The following DGKB variants were observed in gnomAD, a reference collection of about 807,000 sequenced individuals.
DGKB encodes the protein diacylglycerol kinase beta, also known as 90 kDa diacylglycerol kinase.
A neutral mutation model predicts 114.3 loss-of-function variants in DGKB; 67 were observed. The observed-to-expected ratio is 0.59, with a 90% confidence interval of 0.48 to 0.72. DGKB has a LOEUF of 0.72. Ranked by LOEUF, DGKB falls within the 30% of genes least tolerant of loss-of-function variation. The pLI is 0.00. For synonymous variants in DGKB, 398 were observed against 323.1 expected (o/e 1.23, Z -2.49); for missense variants, 907 against 975.2 (o/e 0.93, Z 0.93).
intron 23 of DGKB, among the ~76,000 whole-genome samples, chr7:14,305,465 GGAGGAGAATAA>G (rs1232474008): frequency 6.6e-6 from 1 of 152,094 alleles, no homozygotes; most frequent in African/African-American, 2.4e-5. Context: ...AGGTTGACAT[GGAGGAGAATAA>G]GACAGTCATA....
chr7:14,896,967 T>C (rs1400997083), intron 1 of DGKB, among the ~76,000 whole-genome samples: 1 of 151,802 alleles, frequency 6.6e-6, no homozygotes, highest in East Asian at 1.9e-4. Flanking sequence ...AGAAAGTGTA[T>C]TATAAAGCAT....
intron 1 of DGKB, among the ~76,000 whole-genome samples, chr7:14,878,414 G>A (rs1853642479): frequency 6.6e-6 from 1 of 152,144 alleles, no homozygotes. Context: ...TAGGTGAAGA[G>A]TCACTTATAA....
intron 13 of DGKB, among the ~76,000 whole-genome samples, chr7:14,651,420 C>T (rs1464739182): frequency 6.8e-6 from 1 of 147,052 alleles, no homozygotes; most frequent in African/African-American, 2.5e-5. Context: ...TCAATAGATG[C>T]AGAAAAGGCC....
chr7:14,182,821 A>G (rs549238623), intron 23 of DGKB, among the ~76,000 whole-genome samples: 3 of 152,214 alleles, frequency 2.0e-5, no homozygotes, highest in Admixed American at 6.5e-5. Context: ...TCAGACTGCC[A>G]TATGTGAAGA....
At chr7:14,594,973 C>G (rs566814488) in intron 17 of DGKB, among the ~76,000 whole-genome samples, 3 of 152,000 alleles carry the variant, frequency 2.0e-5, no homozygotes, top group Admixed American at 6.6e-5. Context: ...AGAATTCTTG[C>G]CTTTGAGTAT....
chr7:14,436,935 T>C (rs17168177), intron 21 of DGKB, among the ~76,000 whole-genome samples: 14,894 of 152,156 alleles, frequency 0.098, 956 homozygotes, highest in East Asian at 0.28. Flanking sequence ...ATATTATAGT[T>C]AAAATGCTTT....
chr7:14,718,504 C>T (rs912059440), intron 6 of DGKB, 38 bp downstream of exon 6: 2 of 1,574,038 alleles, frequency 1.3e-6, no homozygotes, highest in African/African-American at 2.7e-5. Context: ...TCTCCTGCCC[C>T]CAATCACGAT....
intron 1 of DGKB, among the ~76,000 whole-genome samples, chr7:14,852,497 A>AAAAAAAACAAAAAAAAAC (rs57418853): frequency 1.1e-4 from 15 of 138,488 alleles, no homozygotes; most frequent in African/African-American, 4.0e-4. Context: ...CAAAAAAAAA[A>AAAAAAAACAAAAAAAAAC]CAGAAATCAA....
At chr7:14,828,494 G>T (rs905851958) in intron 2 of DGKB, among the ~76,000 whole-genome samples, 3 of 152,068 alleles carry the variant, frequency 2.0e-5, no homozygotes, top group African/African-American at 4.8e-5. Context: ...ACGGGAAGGG[G>T]CGTAACAACA....
intron 23 of DGKB, among the ~76,000 whole-genome samples, chr7:14,238,850 G>A (rs1701645200): frequency 6.7e-6 from 1 of 149,810 alleles, no homozygotes; most frequent in Non-Finnish European, 1.5e-5. Flanking sequence ...AACTAAGGAT[G>A]TTAGCATGCT....
chr7:14,771,794 T>G lies in DGKB; in HGVS notation c.71-14063A>C, dbSNP rs1316652211. Among the ~76,000 whole-genome samples, 3 of 152,252 alleles carry G rather than the reference T, an allele frequency of 2.0e-5. No homozygotes were observed. The East Asian group carries it at 5.8e-4, about 29-fold the overall frequency. On this transcript the variant is annotated intron_variant, in intron 2 of 25. Coordinates refer to ENST00000402815, the MANE Select transcript of DGKB (RefSeq NM_001350709.2). ...TCAATAGAGAATCCCCTTCCCCCTT[T>G]GTTTTCCTTCCTTTCTTTCCAGATC...
Position 14,269,297 on chromosome 7 carries a change from T to C in DGKB, c.2122+69218A>G, listed in dbSNP as rs544693798. 430 of 152,302 alleles carry C rather than the reference T, an allele frequency of 2.8e-3. 3 individuals carry two copies. The highest frequency in any genetic ancestry group is 9.9e-3 in the African/African-American group (410 of 41,556). The allele number at this position is 152,302 out of a possible 1,614,324, so 9.4% of individuals were successfully genotyped here. ...TGTGCTTTATTCTGTTCATTAGCAG[T>C]GAGCCACTGCGTCCACCCCACACTC... On this transcript the variant is annotated intron_variant, in intron 23 of 25. Transcript: ENST00000402815.
At chr7:14,528,922 A>C (rs1277956283) in intron 20 of DGKB, among the ~76,000 whole-genome samples, 1 of 151,982 alleles carries the variant, frequency 6.6e-6, no homozygotes, top group African/African-American at 2.4e-5. Flanking sequence ...GGACAGATAA[A>C]AGGAAGGTCA....
chr7:14,621,075 A>C (rs1413093260), intron 15 of DGKB: 5 of 219,340 alleles, frequency 2.3e-5, no homozygotes, highest in Non-Finnish European at 2.6e-5. Flanking sequence ...CTGTAAATAA[A>C]TAACACATAT....
chr7:14,510,012 A>C (rs11768166), intron 20 of DGKB, among the ~76,000 whole-genome samples: 52,879 of 151,904 alleles, frequency 0.35, 9,775 homozygotes, highest in Admixed American at 0.46. Flanking sequence ...CGTCTCTACT[A>C]AAAAATAGAA....
chr7:14,425,270 C>T (rs1827329002), intron 21 of DGKB, among the ~76,000 whole-genome samples: 1 of 151,922 alleles, frequency 6.6e-6, no homozygotes, highest in Non-Finnish European at 1.5e-5. Context: ...TATATGTATC[C>T]ATAATATAAA....
rs151010843 is a variant in DGKB at position 14,722,640 on chromosome 7, C to G, written c.323-3955G>C. Among the ~76,000 whole-genome samples the G allele has an allele frequency of 9.6e-3, 1,461 of 151,954 alleles. 27 individuals carry two copies. The highest frequency in any genetic ancestry group is 0.034 in the African/African-American group (1,407 of 41,422). On this transcript the variant is annotated intron_variant, in intron 5 of 25. Coordinates refer to ENST00000402815, the MANE Select transcript of DGKB (RefSeq NM_001350709.2). The stretch of plus-strand genomic sequence containing the variant: ...CATCCTGGCCAACATGGTGAAACCT[C>G]GTCTCTACTAAAAATACAAAAATTA...
intron 17 of DGKB, among the ~76,000 whole-genome samples, chr7:14,587,220 G>C (rs1480736644): frequency 6.6e-6 from 1 of 152,068 alleles, no homozygotes; most frequent in African/African-American, 2.4e-5. Flanking sequence ...AAGTCTCATG[G>C]ATGACTTTAA....
intron 20 of DGKB, among the ~76,000 whole-genome samples, chr7:14,559,189 ATC>A (rs1197919638): frequency 3.9e-5 from 6 of 152,182 alleles, no homozygotes; most frequent in Non-Finnish European, 7.4e-5. Context: ...GACTTTTTCT[ATC>A]TCTAAATTTC....
Sources: gnomAD v4.1 joint callset for allele counts (sites outside exome capture counted in the v4.1 genomes callset) on GRCh38, gnomAD v4.1.1 for gene constraint, MANE v1.5 for transcripts, NCBI Gene and HGNC (gene_info 2026-07-23, HGNC 2026-07-21) for gene names.